BTBD7: variants seen among roughly 807,000 people sequenced by gnomAD.
BTBD7 encodes the protein BTB domain containing 7, also known as BTB/POZ domain-containing protein 7.
BTBD7 carries 38 observed loss-of-function variants against 99.9 expected under a neutral mutation model. The observed-to-expected ratio is 0.38, with a 90% CI of 0.29 to 0.50. The LOEUF (loss-of-function observed/expected upper bound fraction) is 0.50. BTBD7 is among the 20% of genes least tolerant of loss of function. BTBD7 has a pLI of 0.93. For synonymous variants in BTBD7, 520 were observed against 511.4 expected (o/e 1.02, Z -0.23); for missense variants, 1,170 against 1,394.6 (o/e 0.84, Z 2.57).
In BTBD7 at chr14:93,300,764, GTGTGTGTGTATA is replaced by G. The variant is rs1187920486; in HGVS notation, c.-106-4619_-106-4608del. On this transcript the variant is annotated intron_variant, in intron 1 of 10. Coordinates refer to ENST00000334746, the MANE Select transcript of BTBD7 (RefSeq NM_001002860.4). ...TGTGTGTGTGTGTGTGTGTGTGTGT[GTGTGTGTGTATA>G]TATATATATATTTTTTTTTTGTAGA... Among the ~76,000 whole-genome samples the G allele has an allele frequency of 9.5e-4, 30 of 31,540 alleles. 2 individuals carry two copies. Among genetic ancestry groups the G allele is most frequent in the South Asian group, 2.9e-3 (3 of 1,038 alleles). 20.7% of individuals were successfully genotyped at this position (31,540 alleles called of 152,430 possible). A position where few individuals can be genotyped will look rare whatever the true frequency, so the allele number is the denominator to read the frequency against.
At chr14:93,324,370 T>A (rs1269182878) in intron 1 of BTBD7, among the ~76,000 whole-genome samples, 1 of 150,466 alleles carries the variant, frequency 6.6e-6, no homozygotes, top group Non-Finnish European at 1.5e-5. Flanking sequence ...TGGAGTGAGC[T>A]GTGATTGTAT....
intron 1 of BTBD7, among the ~76,000 whole-genome samples, chr14:93,304,660 A>G (rs1013825744): frequency 6.6e-6 from 1 of 152,172 alleles, no homozygotes; most frequent in Non-Finnish European, 1.5e-5. Context: ...CCTAGATTTG[A>G]GTTTAAAGAG....
intron 1 of BTBD7, chr14:93,332,449 G>C (rs1225338735): frequency 6.4e-6 from 1 of 157,408 alleles, no homozygotes; most frequent in Non-Finnish European, 1.4e-5. Flanking sequence ...CGGTTTCTCA[G>C]CGTCCTGGGA....
Position 93,332,884 on chromosome 14 carries a change from G to GCCA in BTBD7, c.-174_-172dup. On this transcript the variant is annotated 5_prime_UTR_variant, in exon 1 of 11. Transcript: ENST00000334746. Reference sequence around the variant, plus strand: ...CGCTGCCGTCGCCTCCGCCGCCGCCGCCACCAGCACCGCCGTCCGCACCGG... The same window carrying GCCA: ...CGCTGCCGTCGCCTCCGCCGCCGCCGCCACCACCAGCACCGCCGTCCGCACCGG... 1.4e-6 allele frequency: 2 copies of GCCA among 1,440,160 alleles called. No individual in the cohort carries two copies. The highest frequency in any genetic ancestry group is 1.8e-6 in the Non-Finnish European group (2 of 1,089,158). 89.2% of individuals were successfully genotyped at this position (1,440,160 alleles called of 1,614,324 possible).
intron 1 of BTBD7, among the ~76,000 whole-genome samples, chr14:93,325,175 G>A (rs1394390382): frequency 2.1e-5 from 3 of 142,118 alleles, no homozygotes; most frequent in Non-Finnish European, 3.0e-5. Context: ...GTGCAGTGGC[G>A]CAATCTTGGC....
chr14:93,300,498 C>T (rs557119247), intron 1 of BTBD7, among the ~76,000 whole-genome samples: 1 of 151,894 alleles, frequency 6.6e-6, no homozygotes, highest in African/African-American at 2.4e-5. Flanking sequence ...TCTTGTGATT[C>T]GCCCACCTCA....
At chr14:93,282,612 C>T (rs969375642) in intron 3 of BTBD7, among the ~76,000 whole-genome samples, 3 of 152,038 alleles carry the variant, frequency 2.0e-5, no homozygotes, top group Admixed American at 6.6e-5. Flanking sequence ...ATTACAGGCA[C>T]GAGCCACCGC....
rs563644814 is a variant in BTBD7, at chr14:93,312,869, A to T, written c.-106-16712T>A. 7.9e-5 allele frequency among the ~76,000 whole-genome samples: 12 copies of T among 152,078 alleles called. No homozygotes were observed. In the South Asian group the frequency reaches 2.1e-3, roughly 26 times the overall value. On this transcript the variant is annotated intron_variant, in intron 1 of 10. Transcript: ENST00000334746. The stretch of plus-strand genomic sequence containing the variant: ...GTATGTAAGCCCCCAATAAAACCCC[A>T]CATCTCTTTTGCCGGCTCTGGGTCT...
intron 8 of BTBD7, among the ~76,000 whole-genome samples, chr14:93,249,230 A>G (rs180822319): frequency 6.8e-6 from 1 of 146,078 alleles, no homozygotes; most frequent in East Asian, 2.1e-4. Context: ...GTGTACACAG[A>G]GCAGATTCTT....
chr14:93,304,066 G>A (rs1245499265), intron 1 of BTBD7, among the ~76,000 whole-genome samples: 1 of 152,214 alleles, frequency 6.6e-6, no homozygotes, highest in Non-Finnish European at 1.5e-5. Context: ...AGGAAAAAGA[G>A]CCTATAAGCA....
intron 3 of BTBD7, among the ~76,000 whole-genome samples, chr14:93,287,161 A>G (rs1044615057): frequency 2.6e-5 from 4 of 151,356 alleles, no homozygotes; most frequent in African/African-American, 9.8e-5. Flanking sequence ...CCTGGGAGGC[A>G]GAGGTTGCAA....
intron 1 of BTBD7, among the ~76,000 whole-genome samples, chr14:93,330,302 AT>A (rs2053387496): frequency 6.6e-6 from 1 of 152,220 alleles, no homozygotes; most frequent in Non-Finnish European, 1.5e-5. Context: ...TCCTCAGGAA[AT>A]TCAGTTGTCA....
At chr14:93,302,992 G>A (rs907888427) in intron 1 of BTBD7, among the ~76,000 whole-genome samples, 10 of 152,128 alleles carry the variant, frequency 6.6e-5, no homozygotes, top group Admixed American at 5.9e-4. Context: ...CAGCCTGGGT[G>A]ACAGAGCAAG....
intron 1 of BTBD7, among the ~76,000 whole-genome samples, chr14:93,311,855 A>G (rs2053142385): frequency 6.6e-6 from 1 of 151,118 alleles, no homozygotes; most frequent in Non-Finnish European, 1.5e-5. Flanking sequence ...CTGTGTGATT[A>G]TATAACCAAT....
rs906764379 is a variant in BTBD7, at chr14:93,292,298, G to GT, written c.1162+1559dup. ...AATAAAAATATTTTGAGAAAATATA[G>GT]TTTTTTTTTTGGTAATGTTGCAAAC... On this transcript the variant is annotated intron_variant, in intron 3 of 10. Coordinates refer to ENST00000334746, the MANE Select transcript of BTBD7 (RefSeq NM_001002860.4). Among the ~76,000 whole-genome samples the GT allele has an allele frequency of 2.9e-3, 433 of 148,490 alleles. 1 individual carries two copies. The highest frequency in any genetic ancestry group is 8.9e-3 in the African/African-American group (362 of 40,666).
At chr14:93,269,751 C>A (rs1417625818) in intron 3 of BTBD7, among the ~76,000 whole-genome samples, 2 of 152,172 alleles carry the variant, frequency 1.3e-5, no homozygotes, top group Non-Finnish European at 2.9e-5. Context: ...ATCTCACTCA[C>A]TGCAGACATG....
intron 3 of BTBD7, among the ~76,000 whole-genome samples, chr14:93,284,092 ATATAT>A (rs769922710): frequency 1.3e-5 from 2 of 152,198 alleles, no homozygotes; most frequent in Non-Finnish European, 2.9e-5. Context: ...TAAATTTGAG[ATATAT>A]AATTAGTTCT....
chr14:93,275,966 C>A lies in BTBD7; in HGVS notation c.1163-11973G>T, dbSNP rs78568822. Among the ~76,000 whole-genome samples the A allele has an allele frequency of 2.9e-3, 449 of 152,322 alleles. 12 individuals carry two copies. In the East Asian group the frequency reaches 0.069, roughly 23 times the overall value. On this transcript the variant is annotated intron_variant, in intron 3 of 10. Transcript: ENST00000334746. ...TGGTGGCTCACGCCTGTAGTCCCAG[C>A]ACTTTGGGAGGCTTAGGTGGGGCAG...
intron 3 of BTBD7, among the ~76,000 whole-genome samples, chr14:93,292,347 T>C (rs1399913773): frequency 6.6e-6 from 1 of 152,156 alleles, no homozygotes; most frequent in Admixed American, 6.5e-5. Context: ...GTAGAAGCAT[T>C]TTCTGACAAA....
Sources: allele counts gnomAD v4.1 joint callset (sites outside exome capture counted in the v4.1 genomes callset), GRCh38; gene constraint gnomAD v4.1.1; transcripts MANE v1.5; gene names NCBI Gene and HGNC (gene_info 2026-07-23, HGNC 2026-07-21).